Variants in CDH8 observed in about 807,000 individuals in gnomAD.
The protein encoded by CDH8 is cadherin-8.
Under a neutral mutation model 68.1 loss-of-function variants are expected in CDH8, and 17 were observed. The observed-to-expected ratio is 0.25, with a 90% confidence interval of 0.17 to 0.37. The LOEUF is 0.37. Ranked by LOEUF, CDH8 falls within the 10% of genes least tolerant of loss-of-function variation. CDH8 has a pLI of 1.00. For synonymous variants in CDH8, 372 were observed against 365.1 expected, an observed-to-expected ratio of 1.02 and a Z score of -0.21; for missense variants, 763 against 999.3, an observed-to-expected ratio of 0.76 and a Z score of 3.19.
chr16:61,767,104 C>G (rs1960615281), intron 8 of CDH8, among the ~76,000 whole-genome samples: 3 of 152,024 alleles, frequency 2.0e-5, no homozygotes, highest in South Asian at 4.1e-4. Flanking sequence ...TGACACTACC[C>G]CAGGTGTCTA....
intron 2 of CDH8, among the ~76,000 whole-genome samples, chr16:61,927,253 G>T (rs1964470444): frequency 6.6e-6 from 1 of 152,042 alleles, no homozygotes; most frequent in Non-Finnish European, 1.5e-5. Context: ...GTCAGTATGG[G>T]GTTTACATTA....
At chr16:61,968,861 G>A (rs1307062325) in intron 2 of CDH8, among the ~76,000 whole-genome samples, 1 of 152,190 alleles carries the variant, frequency 6.6e-6, no homozygotes, top group African/African-American at 2.4e-5. Context: ...AAAGCGGCGT[G>A]AAGCCTGACA....
At chr16:61,841,842 A>T (rs1440275518) in intron 4 of CDH8, among the ~76,000 whole-genome samples, 2 of 152,128 alleles carry the variant, frequency 1.3e-5, no homozygotes, top group Non-Finnish European at 1.5e-5. Context: ...ATAAAAATTT[A>T]AAAAATGAAG....
intron 4 of CDH8, among the ~76,000 whole-genome samples, chr16:61,847,543 T>TATATATATATATAG: frequency 2.8e-5 from 1 of 35,124 alleles, no homozygotes; most frequent in South Asian, 7.9e-4. Flanking sequence ...TCATTTTATA[T>TATATATATATATAG]ATATATATAT....
intron 9 of CDH8, among the ~76,000 whole-genome samples, chr16:61,722,714 T>C (rs139295108): frequency 4.0e-5 from 6 of 150,906 alleles, no homozygotes; most frequent in Non-Finnish European, 8.9e-5. Context: ...ATTTTGTGAA[T>C]ATATATTATG....
At chr16:61,665,314 G>A (rs565482737) in intron 10 of CDH8, among the ~76,000 whole-genome samples, 1 of 151,912 alleles carries the variant, frequency 6.6e-6, no homozygotes, top group African/African-American at 2.4e-5. Flanking sequence ...TTTAAAGAAA[G>A]TGTGGCACAT....
chr16:61,746,353 A>T (rs189727682), intron 8 of CDH8, among the ~76,000 whole-genome samples: 1 of 152,142 alleles, frequency 6.6e-6, no homozygotes, highest in African/African-American at 2.4e-5. Context: ...GAGTTGAATC[A>T]GTTAAACTCT....
intron 3 of CDH8, among the ~76,000 whole-genome samples, chr16:61,872,495 A>G (rs1963387571): frequency 1.3e-5 from 2 of 152,232 alleles, no homozygotes; most frequent in Admixed American, 6.5e-5. Context: ...AGGAGTTATT[A>G]TCAATACAAA....
intron 5 of CDH8, among the ~76,000 whole-genome samples, chr16:61,824,185 G>A (rs11646171): frequency 0.13 from 20,092 of 151,738 alleles, 1,658 homozygotes; most frequent in Middle Eastern, 0.21. Context: ...AGGAAAAAAA[G>A]CCCTGCCTGA....
At chr16:61,676,145 C>CAAA (rs60364173) in intron 10 of CDH8, among the ~76,000 whole-genome samples, 15 of 131,120 alleles carry the variant, frequency 1.1e-4, no homozygotes, top group Non-Finnish European at 1.6e-5. Flanking sequence ...CACACACACT[C>CAAA]AAAAAAAAAA....
chr16:62,023,459 C>T (rs1902122437), intron 1 of CDH8, among the ~76,000 whole-genome samples: 1 of 152,088 alleles, frequency 6.6e-6, no homozygotes, highest in African/African-American at 2.4e-5. Flanking sequence ...TAATTCCTAC[C>T]TAACGGGACA....
chr16:61,808,447 C>G (rs1464500993), intron 7 of CDH8, among the ~76,000 whole-genome samples: 1 of 152,144 alleles, frequency 6.6e-6, no homozygotes, highest in Non-Finnish European at 1.5e-5. Context: ...CCCACTGCAT[C>G]CTGCATTATT....
At chr16:61,850,649 A>C (rs1453696323) in intron 4 of CDH8, among the ~76,000 whole-genome samples, 1 of 151,982 alleles carries the variant, frequency 6.6e-6, no homozygotes, top group Non-Finnish European at 1.5e-5. Context: ...CTGATCACCA[A>C]TTTATCTTTT....
At chr16:61,722,031 T>G (rs1227090922) in intron 9 of CDH8, among the ~76,000 whole-genome samples, 1 of 150,818 alleles carries the variant, frequency 6.6e-6, no homozygotes, top group Non-Finnish European at 1.5e-5. Context: ...CATTATCTTT[T>G]GCAGTTACAG....
chr16:61,835,636 T>A (rs1962553287), intron 4 of CDH8, among the ~76,000 whole-genome samples: 1 of 152,022 alleles, frequency 6.6e-6, no homozygotes, highest in Non-Finnish European at 1.5e-5. Context: ...AGGTGAAATT[T>A]CTTTTTTCCT....
At chr16:61,793,427 G>A (rs1961426041) in intron 7 of CDH8, among the ~76,000 whole-genome samples, 1 of 151,538 alleles carries the variant, frequency 6.6e-6, no homozygotes, top group African/African-American at 2.4e-5. Context: ...CTACCCTCTA[G>A]CAGGCCCCAG....
intron 3 of CDH8, among the ~76,000 whole-genome samples, chr16:61,863,202 G>A (rs529576555): frequency 2.6e-5 from 4 of 151,842 alleles, no homozygotes; most frequent in Admixed American, 6.6e-5. Context: ...TGTTTCACTC[G>A]TTTAAGTGAA....
intron 7 of CDH8, among the ~76,000 whole-genome samples, chr16:61,798,432 C>A (rs960963523): frequency 1.3e-5 from 2 of 152,092 alleles, no homozygotes; most frequent in African/African-American, 4.8e-5. Context: ...TCTGTGTTAT[C>A]CAGTATGGTA....
chr16:61,748,203 T>C (rs947040990), intron 8 of CDH8, among the ~76,000 whole-genome samples: 1 of 142,938 alleles, frequency 7.0e-6, no homozygotes, highest in South Asian at 2.2e-4. Flanking sequence ...ATAATCTATG[T>C]CTGCCATTTG....
Sources: allele counts gnomAD v4.1 joint callset (sites outside exome capture counted in the v4.1 genomes callset), GRCh38; gene constraint gnomAD v4.1.1; transcripts MANE v1.5; gene names NCBI Gene and HGNC (gene_info 2026-07-23, HGNC 2026-07-21).